MCF2L: variants seen among roughly 807,000 people sequenced by gnomAD.
The protein encoded by MCF2L is MCF.2 cell line derived transforming sequence like, also known as guanine nucleotide exchange factor DBS.
Under a neutral mutation model 153.4 loss-of-function variants are expected in MCF2L, and 97 were observed. The observed-to-expected ratio is 0.63, with a 90% CI of 0.54 to 0.75. The LOEUF (loss-of-function observed/expected upper bound fraction) is 0.75, where lower values mean the gene tolerates loss of function less well. MCF2L is among the 30% of genes least tolerant of loss of function. MCF2L has a pLI of 0.00. For synonymous variants in MCF2L, 659 were observed against 632.2 expected (o/e 1.04, Z -0.64); for missense variants, 1,347 against 1,495.2 (o/e 0.90, Z 1.64).
chr13:112,928,630 G>A (rs971978592), intron 2 of MCF2L, among the ~76,000 whole-genome samples: 7 of 152,156 alleles, frequency 4.6e-5, no homozygotes, highest in African/African-American at 7.2e-5. Flanking sequence ...CATTGGCATC[G>A]CTAGTGTCTG....
At chr13:113,095,566 T>G in intron 27 of MCF2L, 1 of 1,003,448 alleles carries the variant, frequency 1.0e-6, no homozygotes, top group South Asian at 4.3e-5. Context: ...GTACAGGCCA[T>G]CACGTGAGGG....
intron 1 of MCF2L, among the ~76,000 whole-genome samples, chr13:112,994,030 C>T (rs910952321): frequency 3.9e-5 from 6 of 152,122 alleles, no homozygotes; most frequent in Admixed American, 2.0e-4. Context: ...GGGTCCCAGC[C>T]GACCCTCCGC....
In MCF2L at chr13:112,902,056, A is replaced by G. The variant is rs878875477; in HGVS notation, c.-4-143A>G. 60 of 651,344 alleles carry G rather than the reference A, an allele frequency of 9.2e-5. No homozygotes were observed. In the South Asian group the frequency reaches 1.1e-3, roughly 12 times the overall value. The allele number at this position is 651,344 out of a possible 1,614,324, so 40.3% of individuals were successfully genotyped here. A position where few individuals can be genotyped will look rare whatever the true frequency, so the allele number is the denominator to read the frequency against. ...GTGGAAATTGACCGGAGAAGAATGAATTTAGTTTCAAACATACTATCTTCA... is the reference window on the plus strand; with the variant it reads ...GTGGAAATTGACCGGAGAAGAATGAGTTTAGTTTCAAACATACTATCTTCA... On this transcript the variant is annotated intron_variant, in intron 1 of 29. Coordinates refer to the MCF2L transcript ENST00000375608.
At chr13:112,997,529 G>C (rs909250145) in intron 1 of MCF2L, among the ~76,000 whole-genome samples, 5 of 152,236 alleles carry the variant, frequency 3.3e-5, no homozygotes, top group African/African-American at 1.2e-4. Flanking sequence ...CGCGCCCTCT[G>C]CATCTGCTGC....
chr13:112,969,441 C>T lies in MCF2L; in HGVS notation c.62C>T (p.Ala21Val), dbSNP rs1354263769. The T allele has an allele frequency of 6.5e-7, 1 of 1,550,070 alleles. No individual in the cohort carries two copies. ...ALEEMVQRLNAVSKHTDEIMH... is the reference protein window; with the variant it reads ...ALEEMVQRLNVVSKHTDEIMH... ...GAAGAAATGGTGCAGAGATTAAATGCGGTTTCCAAGCACACGGGTAGGAGG... is the reference window on the plus strand; with the variant it reads ...GAAGAAATGGTGCAGAGATTAAATGTGGTTTCCAAGCACACGGGTAGGAGG... The change falls in exon 1 of 30, where the codon GCG becomes GTG. Residue 21 changes from alanine to valine, a missense_variant. Around this residue, in one of 3 missense-constraint regions of MCF2L, gnomAD observed 820 missense variants for 921.2 expected, o/e 0.89. Coordinates refer to ENST00000535094, the MANE Select transcript of MCF2L (RefSeq NM_001112732.3). The surrounding 1 kb of genome is among the most constrained non-coding windows in gnomAD (Gnocchi z 4.8).
At position 113,089,679 on chromosome 13, in the gene MCF2L, G is replaced by A. The variant is rs144143917; in HGVS notation, c.2904G>A (p.Glu968=). Residue 968 remains glutamate (E), a synonymous_variant, in exon 26 of 30, where the codon GAG becomes GAA. Transcript: ENST00000535094. The stretch of plus-strand genomic sequence containing the variant: ...GGAAAACAGACCCCCTAAGCCTGGA[G>A]GGATACGTCAGCTCAGCGCCACTGA... ...EERKTDPLSL[E]GYVSSAPLTK... 175 of 1,613,868 alleles carry A rather than the reference G, an allele frequency of 1.1e-4. No homozygotes were observed. Among genetic ancestry groups the A allele is most frequent in the Non-Finnish European group, 1.5e-4 (173 of 1,180,044 alleles).
intron 1 of MCF2L, among the ~76,000 whole-genome samples, chr13:112,897,600 A>T (rs2081080355): frequency 1.3e-5 from 2 of 152,248 alleles, no homozygotes; most frequent in South Asian, 4.1e-4. Flanking sequence ...GAAGAGCATT[A>T]CTGACATTTC....
At chr13:113,065,428 G>A (rs2032215287) in intron 7 of MCF2L, 3 of 326,810 alleles carry the variant, frequency 9.2e-6, no homozygotes, top group Non-Finnish European at 1.1e-5. Context: ...CTGTCTGTGC[G>A]GGGAGCTCCC....
At chr13:112,921,133 C>T (rs533026020) in intron 2 of MCF2L, among the ~76,000 whole-genome samples, 131 of 152,132 alleles carry the variant, frequency 8.6e-4, no homozygotes, top group African/African-American at 2.8e-3. Context: ...GCCGAGATTG[C>T]ACCACTGCAC....
intron 1 of MCF2L, among the ~76,000 whole-genome samples, chr13:112,994,147 G>A (rs2083013153): frequency 1.3e-5 from 2 of 152,060 alleles, no homozygotes; most frequent in African/African-American, 4.8e-5. Context: ...GCAGGGGCAG[G>A]TGTGGATGCC....
chr13:112,944,471 G>T (rs1257808115), intron 2 of MCF2L, among the ~76,000 whole-genome samples: 1 of 151,970 alleles, frequency 6.6e-6, no homozygotes, highest in African/African-American at 2.4e-5. Context: ...CTGCTCAAGG[G>T]TCGCGTTCCT....
At chr13:112,915,266 G>A (rs529495763) in intron 2 of MCF2L, among the ~76,000 whole-genome samples, 97 of 151,842 alleles carry the variant, frequency 6.4e-4, no homozygotes, top group African/African-American at 9.9e-4. Flanking sequence ...CAAATTAGCC[G>A]GGTGTGGTGG....
At position 113,086,214 on chromosome 13, in the gene MCF2L, G is replaced by A; in HGVS notation, c.2338G>A (p.Asp780Asn). 2 of 1,610,452 alleles carry A rather than the reference G, an allele frequency of 1.2e-6. No homozygotes were observed. Among genetic ancestry groups the A allele is most frequent in the Non-Finnish European group, 1.7e-6 (2 of 1,178,564 alleles). ...SILGILKAVNDSMHLIAITGY... is the reference protein window; with the variant it reads ...SILGILKAVNNSMHLIAITGY... ...CCTGGGCATCCTGAAGGCCGTGAACGACTCCATGCACCTCATCGCTATCAC... is the reference window on the plus strand; with the variant it reads ...CCTGGGCATCCTGAAGGCCGTGAACAACTCCATGCACCTCATCGCTATCAC... Residue 780 changes from aspartate to asparagine, a missense_variant, in exon 21 of 30, where the codon GAC (aspartate) becomes AAC (asparagine). Transcript: ENST00000535094.
rs1408986588 is a variant in MCF2L, at chr13:113,027,668, G to A, written c.278+2910G>A. Reference sequence around the variant, plus strand: ...CTGAGGGGCTGATGGGACCGGCTTGGTGGGGCAAGGCTGCGATGCTGCAGA... The same window carrying A: ...CTGAGGGGCTGATGGGACCGGCTTGATGGGGCAAGGCTGCGATGCTGCAGA... On this transcript the variant is annotated intron_variant, in intron 3 of 29. Transcript: ENST00000535094. The surrounding 1 kb of genome is among the most constrained non-coding windows in gnomAD (Gnocchi z 4.8). 2.0e-5 allele frequency among the ~76,000 whole-genome samples: 3 copies of A among 152,340 alleles called. No individual in the cohort carries two copies. The highest frequency in any genetic ancestry group is 2.1e-4 in the South Asian group (1 of 4,826).
At position 112,943,119 on chromosome 13, in the gene MCF2L, G is replaced by A. The variant is rs1471806541; in HGVS notation, c.169+40748G>A. ...CCTGGTAAACTTTGAGGTGAAGGCT[G>A]TCAGAAACAGCTGCGAGGAGCATCC... On this transcript the variant is annotated intron_variant, in intron 2 of 29. Coordinates refer to the MCF2L transcript ENST00000375608. This position sits in a 1 kb window ranked among gnomAD's most constrained non-coding sequence, Gnocchi z 4.2. Among the ~76,000 whole-genome samples, 1 of 152,240 alleles carries A rather than the reference G, an allele frequency of 6.6e-6. No individual in the cohort carries two copies. The highest frequency in any genetic ancestry group is 1.9e-4 in the East Asian group (1 of 5,192).
chr13:113,094,488 C>G (rs1342070446), intron 26 of MCF2L, 26 bp from the exon 27 acceptor site: 1 of 1,596,710 alleles, frequency 6.3e-7, no homozygotes, highest in Non-Finnish European at 8.5e-7. Flanking sequence ...ACCGGGGGGT[C>G]CCTCACGGGT....
Position 113,064,824 on chromosome 13 carries a change from G to A in MCF2L, c.607-112G>A. On this transcript the variant is annotated intron_variant, in intron 6 of 29. Transcript: ENST00000535094. This position sits in a 1 kb window ranked among gnomAD's most constrained non-coding sequence, Gnocchi z 6.0. ...GCGTTCACCGTCTTTGCGTCAGCCG[G>A]TCTCACCTGATGGGTCTGTGTGGGA... 8 of 1,243,036 alleles carry A rather than the reference G, an allele frequency of 6.4e-6. No individual in the cohort carries two copies. The highest frequency in any genetic ancestry group is 8.9e-6 in the Non-Finnish European group (8 of 895,818). 77.0% of individuals were successfully genotyped at this position (1,243,036 alleles called of 1,614,324 possible). A position where few individuals can be genotyped will look rare whatever the true frequency, so the allele number is the denominator to read the frequency against.
At chr13:112,917,337 C>A in intron 2 of MCF2L, 1 of 367,540 alleles carries the variant, frequency 2.7e-6, no homozygotes, top group Non-Finnish European at 5.4e-6. Flanking sequence ...GAAACCCCAT[C>A]GTCCTCATCT....
intron 1 of MCF2L, among the ~76,000 whole-genome samples, chr13:112,973,252 T>C (rs1440379321): frequency 6.6e-6 from 1 of 152,192 alleles, no homozygotes. Flanking sequence ...GATTTCTTTG[T>C]CCATTTTTTA....
Sources: gnomAD v4.1 joint callset for allele counts (sites outside exome capture counted in the v4.1 genomes callset) on GRCh38, gnomAD v4.1.1 for gene constraint, gnomAD v4.1.1 regional missense constraint, Gnocchi (gnomAD v3.1) non-coding constraint, MANE v1.5 for transcripts, NCBI Gene and HGNC (gene_info 2026-07-23, HGNC 2026-07-21) for gene names.